The following PRELID2 variants were observed in gnomAD, a reference collection of about 807,000 sequenced individuals.
PRELID2 encodes the protein PRELI domain-containing protein 2.
Under a neutral mutation model 28.4 loss-of-function variants are expected in PRELID2, and 25 were observed. That is an observed-to-expected ratio of 0.88 (90% CI 0.64 to 1.23). The LOEUF is 1.23. Among genes scored for constraint, PRELID2 ranks in the 50% most tolerant of loss-of-function variants. PRELID2 has a pLI of 0.00. For synonymous variants in PRELID2, 76 were observed against 71.6 expected, an observed-to-expected ratio of 1.06 and a Z score of -0.31; for missense variants, 201 against 214.4, an observed-to-expected ratio of 0.94 and a Z score of 0.39.
intron 1 of PRELID2, among the ~76,000 whole-genome samples, chr5:145,522,002 C>T (rs1752566666): frequency 6.6e-6 from 1 of 152,120 alleles, no homozygotes; most frequent in Admixed American, 6.5e-5. Flanking sequence ...TGCCGTGCTG[C>T]TTTTCATTTC....
At chr5:145,431,639 A>G in the PRELID2 span, among the ~76,000 whole-genome samples, 4 of 152,196 alleles carry the variant, frequency 2.6e-5, no homozygotes, top group Admixed American at 6.5e-5. Flanking sequence ...TACAACTTCA[A>G]TCTAATCATA....
chr5:145,348,539 T>C, the PRELID2 span, among the ~76,000 whole-genome samples: 1 of 152,280 alleles, frequency 6.6e-6, no homozygotes, highest in South Asian at 2.1e-4. Context: ...TCACTTAAAT[T>C]AATGCAATAA....
chr5:145,729,020 AT>A (rs1561560963), intron 1 of PRELID2: 1 of 686,146 alleles, frequency 1.5e-6, no homozygotes, highest in East Asian at 2.5e-5. Flanking sequence ...CCAAAGTAAC[AT>A]TGGGAGATAA....
chr5:145,808,347 T>C (rs928912033), intron 4 of PRELID2, among the ~76,000 whole-genome samples: 3 of 151,800 alleles, frequency 2.0e-5, no homozygotes, highest in South Asian at 2.1e-4. Flanking sequence ...AATTTACTCA[T>C]GGAAAAAAAA....
At chr5:145,275,431 G>A in the PRELID2 span, among the ~76,000 whole-genome samples, 2 of 152,076 alleles carry the variant, frequency 1.3e-5, no homozygotes, top group South Asian at 2.1e-4. Flanking sequence ...AGCTACAACC[G>A]GAAGAGGGTG....
chr5:145,528,038 C>G (rs1183415518), intron 1 of PRELID2, among the ~76,000 whole-genome samples: 2 of 151,974 alleles, frequency 1.3e-5, no homozygotes, highest in African/African-American at 4.8e-5. Context: ...CCACCTATCA[C>G]CTACTCACCC....
At chr5:145,602,060 C>A (rs917186420) in intron 1 of PRELID2, among the ~76,000 whole-genome samples, 1 of 152,132 alleles carries the variant, frequency 6.6e-6, no homozygotes, top group Non-Finnish European at 1.5e-5. Flanking sequence ...TCTGGCACTG[C>A]GGACCTGTCA....
chr5:145,800,724 G>C lies in PRELID2; in HGVS notation c.369-4177C>G, dbSNP rs529239185. ...GAGAATAACAGAGCAGTAAAGCAGG[G>C]TCATGCCCTTGCCATCAACGAGATG... On this transcript the variant is annotated intron_variant, in intron 4 of 6. Coordinates refer to ENST00000683046, the MANE Select transcript of PRELID2 (RefSeq NM_205846.3). Among the ~76,000 whole-genome samples, 6 of 152,212 alleles carry C rather than the reference G, an allele frequency of 3.9e-5. No homozygotes were observed. The South Asian group carries it at 1.2e-3, about 32-fold the overall frequency.
intron 1 of PRELID2, among the ~76,000 whole-genome samples, chr5:145,828,587 C>T (rs948699015): frequency 1.3e-5 from 2 of 152,168 alleles, no homozygotes; most frequent in Non-Finnish European, 2.9e-5. Flanking sequence ...GAAAGGGCTG[C>T]ACCAGAGAAG....
intron 1 of PRELID2, among the ~76,000 whole-genome samples, chr5:145,576,296 G>A (rs1435699693): frequency 1.3e-5 from 2 of 152,098 alleles, no homozygotes; most frequent in East Asian, 1.9e-4. Context: ...TCTAGTCCCT[G>A]CTAACCACTA....
intron 5 of PRELID2, among the ~76,000 whole-genome samples, chr5:145,766,243 T>A (rs905284924): frequency 6.6e-6 from 1 of 152,134 alleles, no homozygotes; most frequent in Admixed American, 6.5e-5. Flanking sequence ...CAGAGAAGAA[T>A]AATGATAAGG....
At chr5:145,705,098 C>T (rs1165926239) in intron 1 of PRELID2, among the ~76,000 whole-genome samples, 1 of 151,960 alleles carries the variant, frequency 6.6e-6, no homozygotes, top group African/African-American at 2.4e-5. Context: ...CTAACTCACT[C>T]GGAGGGTCTG....
the PRELID2 span, among the ~76,000 whole-genome samples, chr5:145,279,793 G>A: frequency 5.3e-5 from 8 of 149,958 alleles, no homozygotes; most frequent in African/African-American, 1.5e-4. Context: ...TTGAATTAAA[G>A]AGGATTTTTT....
the PRELID2 span, among the ~76,000 whole-genome samples, chr5:145,231,777 C>T: frequency 2.0e-5 from 3 of 152,020 alleles, no homozygotes; most frequent in East Asian, 5.8e-4. Context: ...TAAACTATTC[C>T]CTGGATGGAA....
chr5:145,776,050 C>T (rs1758387425), intron 5 of PRELID2, among the ~76,000 whole-genome samples: 2 of 152,110 alleles, frequency 1.3e-5, no homozygotes, highest in Non-Finnish European at 2.9e-5. Context: ...AAAAAAAATG[C>T]CTGCAGTGTT....
At chr5:145,677,257 C>T (rs1435874165) in intron 1 of PRELID2, among the ~76,000 whole-genome samples, 1 of 148,862 alleles carries the variant, frequency 6.7e-6, no homozygotes. Flanking sequence ...TGGGTTCAAG[C>T]AATTCTCATG....
the PRELID2 span, among the ~76,000 whole-genome samples, chr5:145,253,369 G>A: frequency 2.0e-5 from 3 of 152,224 alleles, 1 homozygote; most frequent in African/African-American, 4.8e-5. Flanking sequence ...TAGTCCCCAT[G>A]TAAGGGTAAG....
At chr5:145,470,832 C>T (rs1752047623), downstream of PRELID2, among the ~76,000 whole-genome samples, 1 of 152,116 alleles carries the variant, frequency 6.6e-6, no homozygotes, top group Non-Finnish European at 1.5e-5. Context: ...ATTTTCACAA[C>T]ATCTTCCAAT....
chr5:145,384,038 G>A, the PRELID2 span, among the ~76,000 whole-genome samples: 9 of 152,112 alleles, frequency 5.9e-5, no homozygotes, highest in South Asian at 1.2e-3. Flanking sequence ...GTATACTAAC[G>A]GCCAGTATGC....
Sources: gnomAD v4.1 joint callset for allele counts (sites outside exome capture counted in the v4.1 genomes callset) on GRCh38, gnomAD v4.1.1 for gene constraint, MANE v1.5 for transcripts, NCBI Gene and HGNC (gene_info 2026-07-23, HGNC 2026-07-21) for gene names.